CNOT1: variants seen among roughly 807,000 people sequenced by gnomAD.
CNOT1 encodes the protein CCR4-NOT transcription complex subunit 1.
Under a neutral mutation model 273.8 loss-of-function variants are expected in CNOT1, and 15 were observed. The observed-to-expected ratio is 0.05, with a 90% CI of 0.04 to 0.08. The LOEUF is 0.08. CNOT1 is among the 10% of genes least tolerant of loss of function. The probability of loss-of-function intolerance (pLI) is 1.00; values close to 1 mark genes in which losing one functional copy is unlikely to be tolerated. For synonymous variants in CNOT1, 1,022 were observed against 1,005.5 expected, an observed-to-expected ratio of 1.02 and a Z score of -0.31; for missense variants, 1,644 against 2,912.2, an observed-to-expected ratio of 0.56 and a Z score of 10.02.
At chr16:58,566,619 T>G (rs2151951549) in intron 16 of CNOT1, among the ~76,000 whole-genome samples, 1 of 152,348 alleles carries the variant, frequency 6.6e-6, no homozygotes, top group South Asian at 2.1e-4. Flanking sequence ...TTATTTGTTG[T>G]ACAAGGCAGT....
In CNOT1 at chr16:58,621,715, G is replaced by A. The variant is rs1192527692; in HGVS notation, c.-175+8013C>T. 6.1e-5 allele frequency among the ~76,000 whole-genome samples: 9 copies of A among 148,756 alleles called. 2 individuals carry two copies. The highest frequency in any genetic ancestry group is 2.1e-4 in the East Asian group (1 of 4,860). On this transcript the variant is annotated intron_variant, in intron 1 of 48. Transcript: ENST00000317147. ...GGGCAGATCACGAGGTCAGGAGATC[G>A]AGACCATCCTGGCTAACACGGTGAA... is the stretch of plus-strand genomic sequence containing the variant.
chr16:58,621,017 CT>C (rs34890706), intron 1 of CNOT1, among the ~76,000 whole-genome samples: 113,066 of 150,652 alleles, frequency 0.75, 42,720 homozygotes, highest in Middle Eastern at 0.86. Flanking sequence ...AAAAAGATAA[CT>C]TTTTTTTTTT....
intron 1 of CNOT1, among the ~76,000 whole-genome samples, chr16:58,618,643 C>G (rs533333996): frequency 1.2e-3 from 160 of 137,390 alleles, no homozygotes; most frequent in African/African-American, 4.3e-3. Flanking sequence ...ACAGAGAAAC[C>G]CTGTCTCAAA....
chr16:58,542,629 T>G, intron 31 of CNOT1, 61 bp from the exon 32 acceptor site: 2 of 1,585,616 alleles, frequency 1.3e-6, no homozygotes, highest in Non-Finnish European at 1.7e-6. Context: ...TGAAAGTTGA[T>G]GTGGACAGAC....
At chr16:58,543,492 G>T in intron 31 of CNOT1, 115 bp downstream of exon 31, 2 of 1,540,830 alleles carry the variant, frequency 1.3e-6, no homozygotes, top group Non-Finnish European at 1.7e-6. Flanking sequence ...AAACAAATAT[G>T]GTGATTATTA....
intron 43 of CNOT1, among the ~76,000 whole-genome samples, chr16:58,528,893 T>C (rs2151899302): frequency 6.7e-6 from 1 of 149,846 alleles, no homozygotes; most frequent in Admixed American, 6.6e-5. Context: ...AAGAGGAGAC[T>C]GGACAAAAAA....
intron 16 of CNOT1, among the ~76,000 whole-genome samples, chr16:58,567,224 G>A (rs1045252131): frequency 4.6e-5 from 7 of 152,070 alleles, no homozygotes; most frequent in South Asian, 2.1e-4. Flanking sequence ...TAACCCCAGC[G>A]CTTTAGGATG....
intron 1 of CNOT1, among the ~76,000 whole-genome samples, chr16:58,622,191 G>C (rs1024647458): frequency 6.6e-6 from 1 of 150,938 alleles, no homozygotes; most frequent in Admixed American, 6.6e-5. Flanking sequence ...GTGGGCGCCT[G>C]TAGTCCCAGT....
At chr16:58,521,397 C>G in intron 47 of CNOT1, 80 bp from the exon 48 acceptor site, 2 of 1,429,306 alleles carry the variant, frequency 1.4e-6, no homozygotes, top group Non-Finnish European at 1.9e-6. Context: ...TTTTTTCTAA[C>G]TTCTCCCTGA....
chr16:58,627,954 A>C (rs1421352784), intron 1 of CNOT1, among the ~76,000 whole-genome samples: 1 of 152,002 alleles, frequency 6.6e-6, no homozygotes, highest in Admixed American at 6.6e-5. Context: ...CAGCCTCCCA[A>C]GTAGCTGGGA....
intron 2 of CNOT1, among the ~76,000 whole-genome samples, chr16:58,591,399 C>T (rs1317395313): frequency 6.6e-6 from 1 of 152,136 alleles, no homozygotes; most frequent in Non-Finnish European, 1.5e-5. Flanking sequence ...ATTTTTTTCC[C>T]ATGCAGATTA....
chr16:58,627,127 G>T (rs1218271871), intron 1 of CNOT1, among the ~76,000 whole-genome samples: 1 of 151,990 alleles, frequency 6.6e-6, no homozygotes, highest in Non-Finnish European at 1.5e-5. Flanking sequence ...AAAGCTTCTC[G>T]GCTGGGCACC....
intron 2 of CNOT1, among the ~76,000 whole-genome samples, chr16:58,597,437 G>T (rs569222651): frequency 6.6e-6 from 1 of 151,612 alleles, no homozygotes; most frequent in Non-Finnish European, 1.5e-5. Context: ...ATCGCGCCAC[G>T]GTATGCCAGC....
intron 44 of CNOT1, among the ~76,000 whole-genome samples, chr16:58,527,243 G>T (rs534760325): frequency 5.9e-5 from 9 of 152,078 alleles, no homozygotes; most frequent in Non-Finnish European, 1.2e-4. Flanking sequence ...AACAATAAAG[G>T]CCGGGTGCAG....
chr16:58,551,526 T>A (rs555158899), intron 23 of CNOT1, 63 bp downstream of exon 23: 2 of 1,529,236 alleles, frequency 1.3e-6, no homozygotes, highest in Non-Finnish European at 1.8e-6. Flanking sequence ...TAATACATGT[T>A]CACCACTGAT....
In CNOT1 at chr16:58,586,623, G is replaced by C; in HGVS notation, c.559C>G (p.His187Asp). The C allele has an allele frequency of 6.2e-7, 1 of 1,612,990 alleles. No homozygotes were observed. The highest frequency in any genetic ancestry group is 8.5e-7 in the Non-Finnish European group (1 of 1,179,806). Residue 187 changes from histidine (H) to aspartate (D), a missense_variant, in exon 7 of 49, where the codon CAT (histidine) becomes GAT (aspartate). By Grantham distance (81) the His-to-Asp change is moderately conservative (BLOSUM62 -1). This residue lies in a region of CNOT1 where 706 missense variants were observed against 1,021.2 expected (regional missense o/e 0.69). Coordinates refer to ENST00000317147, the MANE Select transcript of CNOT1 (RefSeq NM_016284.5). ...GCTCCCTTCTGCCCAAAGAGGAGAT[G>C]GGAGAGGAGGAGGTGTAGGACCTCT... ...AIEVLHLLLS[H>D]LLFGQKGAFG...
chr16:58,538,328 T>C, intron 36 of CNOT1, 62 bp from the exon 37 acceptor site: 2 of 801,292 alleles, frequency 2.5e-6, no homozygotes, highest in South Asian at 2.8e-5. Context: ...GGGCCCATTT[T>C]ACTCAATGGA....
At position 58,560,226 on chromosome 16, in the gene CNOT1, T is replaced by C. The variant is rs2040785947; in HGVS notation, c.2116A>G (p.Ile706Val). The change falls in exon 17 of 49, where the codon ATT becomes GTT. Residue 706 changes from isoleucine to valine, a missense_variant. Ile to Val is a conservative substitution (Grantham distance 29). Coordinates refer to ENST00000317147, the MANE Select transcript of CNOT1 (RefSeq NM_016284.5). The stretch of plus-strand genomic sequence containing the variant: ...CACTCATTTACCTGAACAGGAGAAA[T>C]GGCATCTAAGCTGCTAGCACTAGGA... The part of the protein sequence containing the change: ...RPPSASSLDA[I>V]SPVQIDPLAG... The C allele has an allele frequency of 6.2e-7, 1 of 1,613,922 alleles. No homozygotes were observed. The highest frequency in any genetic ancestry group is 8.5e-7 in the Non-Finnish European group (1 of 1,179,926).
chr16:58,553,999 G>A (rs1455031278), intron 21 of CNOT1, 139 bp from the exon 22 acceptor site: 4 of 1,206,592 alleles, frequency 3.3e-6, no homozygotes, highest in Non-Finnish European at 4.3e-6. Context: ...ATGTCAAAGT[G>A]AAGAAAACAA....
Sources: allele counts gnomAD v4.1 joint callset (sites outside exome capture counted in the v4.1 genomes callset), GRCh38; gene constraint gnomAD v4.1.1; regional missense constraint gnomAD v4.1.1; transcripts MANE v1.5; gene names NCBI Gene and HGNC (gene_info 2026-07-23, HGNC 2026-07-21).